RNF138: variants seen among roughly 807,000 people sequenced by gnomAD.
RNF138 encodes ring finger protein 138.
A neutral mutation model predicts 31.0 loss-of-function variants in RNF138; 12 were observed. That is an observed-to-expected ratio of 0.39 (90% CI 0.25 to 0.63). RNF138 has a LOEUF of 0.63. Ranked by LOEUF, RNF138 falls within the 20% of genes least tolerant of loss-of-function variation. The pLI, the probability that RNF138 is intolerant of heterozygous loss-of-function variation, is 0.52. For missense variants in RNF138, 192 were observed against 300.1 expected, an observed-to-expected ratio of 0.64 and a Z score of 2.66; for synonymous variants, 105 against 99.5, an observed-to-expected ratio of 1.06 and a Z score of -0.33.
At chr18:32,119,630 G>A (rs1051784702) in intron 4 of RNF138, among the ~76,000 whole-genome samples, 6 of 152,034 alleles carry the variant, frequency 3.9e-5, no homozygotes, top group Non-Finnish European at 7.4e-5. Context: ...TGCCATGTTG[G>A]CCAAGCTGGT....
intron 2 of RNF138, among the ~76,000 whole-genome samples, chr18:32,110,985 G>T (rs1462192461): frequency 2.6e-5 from 4 of 152,130 alleles, no homozygotes; most frequent in African/African-American, 4.8e-5. Context: ...TTTCACCGTG[G>T]TAGCCAGAAT....
intron 4 of RNF138, among the ~76,000 whole-genome samples, chr18:32,114,807 T>C (rs2040188087): frequency 6.6e-6 from 1 of 152,232 alleles, no homozygotes; most frequent in Non-Finnish European, 1.5e-5. Context: ...TTTTAGTAAC[T>C]TAACCGCCCT....
intron 4 of RNF138, among the ~76,000 whole-genome samples, chr18:32,118,634 G>A (rs2040254272): frequency 6.6e-6 from 1 of 151,996 alleles, no homozygotes; most frequent in Non-Finnish European, 1.5e-5. Context: ...TTCGAGACCA[G>A]CCTGGCCAAC....
intron 2 of RNF138, among the ~76,000 whole-genome samples, chr18:32,109,744 G>A (rs60507961): frequency 0.022 from 3,275 of 152,192 alleles, 113 homozygotes; most frequent in African/African-American, 0.075. Context: ...AAAATTAGCC[G>A]TCGCAGTGGT....
rs2040037341 is a variant in RNF138, at chr18:32,106,810, C to T, written c.111-4944C>T. 2.0e-5 allele frequency among the ~76,000 whole-genome samples: 3 copies of T among 152,222 alleles called. No individual in the cohort carries two copies. In the South Asian group the frequency reaches 6.2e-4, roughly 32 times the overall value. On this transcript the variant is annotated intron_variant, in intron 2 of 7. Coordinates refer to ENST00000261593, the MANE Select transcript of RNF138 (RefSeq NM_016271.5). ...CTTGATTTCCTGACCTCGTGATCCG[C>T]CTGCCTCGGCCTCCCAAAGTGCTGG...
intron 2 of RNF138, among the ~76,000 whole-genome samples, chr18:32,106,974 T>C (rs561912566): frequency 2.9e-4 from 44 of 152,204 alleles, no homozygotes; most frequent in African/African-American, 1.0e-3. Flanking sequence ...TTTTTAGCTC[T>C]GGAAATTCCC....
intron 2 of RNF138, 61 bp downstream of exon 2, chr18:32,092,947 C>T: frequency 2.1e-6 from 2 of 954,266 alleles, no homozygotes; most frequent in Non-Finnish European, 2.9e-6. Flanking sequence ...GGCCTCCGGC[C>T]CGGGACCCCG....
At position 32,111,625 on chromosome 18, in the gene RNF138, T is replaced by C. The variant is rs2040132490; in HGVS notation, c.111-129T>C. On this transcript the variant is annotated intron_variant, in intron 2 of 7. Coordinates refer to ENST00000261593, the MANE Select transcript of RNF138 (RefSeq NM_016271.5). Reference sequence around the variant, plus strand: ...ATATACAGTTACTAAACTTCTGAGATTTATGTACATATGAGTAGCCTAACT... The same window carrying C: ...ATATACAGTTACTAAACTTCTGAGACTTATGTACATATGAGTAGCCTAACT... 5.5e-6 allele frequency: 4 copies of C among 733,012 alleles called. No homozygotes were observed. The East Asian group carries it at 1.1e-4, about 20-fold the overall frequency. The allele number at this position is 733,012 out of a possible 1,614,324, so 45.4% of individuals were successfully genotyped here.
At chr18:32,101,478 C>T (rs1407003430) in intron 2 of RNF138, among the ~76,000 whole-genome samples, 2 of 152,028 alleles carry the variant, frequency 1.3e-5, no homozygotes, top group African/African-American at 4.8e-5. Context: ...AGTGATTTGC[C>T]TGCCTCACTC....
intron 2 of RNF138, among the ~76,000 whole-genome samples, chr18:32,094,198 A>AC (rs2039763280): frequency 1.4e-5 from 2 of 138,172 alleles, no homozygotes; most frequent in Non-Finnish European, 3.2e-5. Context: ...TTCTCCTTCG[A>AC]CTTTTTTTTC....
At chr18:32,120,998 T>C (rs2040294957) in intron 4 of RNF138, among the ~76,000 whole-genome samples, 1 of 151,826 alleles carries the variant, frequency 6.6e-6, no homozygotes. Flanking sequence ...TAGCCAGGCA[T>C]GGTGGCATGG....
At chr18:32,121,666 T>A (rs2040308320) in intron 4 of RNF138, among the ~76,000 whole-genome samples, 1 of 152,200 alleles carries the variant, frequency 6.6e-6, no homozygotes, top group Non-Finnish European at 1.5e-5. Context: ...GAAGATTTTT[T>A]AAGCTGGTTA....
chr18:32,104,331 A>T (rs957364928), intron 2 of RNF138, among the ~76,000 whole-genome samples: 9 of 152,108 alleles, frequency 5.9e-5, no homozygotes, highest in African/African-American at 2.2e-4. Flanking sequence ...TAAAAAAAAA[A>T]ATCCTCATTA....
At chr18:32,122,425 C>T (rs1008134318) in intron 4 of RNF138, 2 of 152,140 alleles carry the variant, frequency 1.3e-5, no homozygotes, top group African/African-American at 4.8e-5. Context: ...TAAACTCTGG[C>T]ATTGAGATAT....
At chr18:32,101,468 A>G (rs139173303) in intron 2 of RNF138, among the ~76,000 whole-genome samples, 2,321 of 152,172 alleles carry the variant, frequency 0.015, 63 homozygotes, top group African/African-American at 0.053. Flanking sequence ...CCTGACCTCA[A>G]GTGATTTGCC....
At chr18:32,092,422 G>A (rs895991764) in intron 1 of RNF138, among the ~76,000 whole-genome samples, 187 bp downstream of exon 1, 1 of 151,986 alleles carries the variant, frequency 6.6e-6, no homozygotes, top group Non-Finnish European at 1.5e-5. Flanking sequence ...CGCGCCTGGA[G>A]CCCGGTGAGG....
At chr18:32,129,045 G>A (rs948041551) in intron 7 of RNF138, 74 bp from the exon 8 acceptor site, 2 of 930,392 alleles carry the variant, frequency 2.1e-6, no homozygotes, top group African/African-American at 3.2e-5. Context: ...GTATCAAGAT[G>A]TCTAATGTTT....
chr18:32,100,982 A>G (rs1472756129), intron 2 of RNF138, among the ~76,000 whole-genome samples: 1 of 152,190 alleles, frequency 6.6e-6, no homozygotes, highest in Non-Finnish European at 1.5e-5. Context: ...AGAGTATAAG[A>G]GAGGGATCAG....
intron 3 of RNF138, 108 bp from the exon 4 acceptor site, chr18:32,113,634 ACTC>A: frequency 1.9e-6 from 1 of 518,168 alleles, no homozygotes; most frequent in Non-Finnish European, 3.4e-6. Flanking sequence ...AAAAAATACA[ACTC>A]CTGTTTAAAT....
Sources: gnomAD v4.1 joint callset for allele counts (sites outside exome capture counted in the v4.1 genomes callset) on GRCh38, gnomAD v4.1.1 for gene constraint, MANE v1.5 for transcripts, NCBI Gene and HGNC (gene_info 2026-07-23, HGNC 2026-07-21) for gene names.